The following SNX29 variants were observed in gnomAD, a reference collection of about 807,000 sequenced individuals.
The protein encoded by SNX29 is sorting nexin 29.
In SNX29, 78 loss-of-function variants were observed where a neutral mutation model predicts 102.1. The observed-to-expected ratio is 0.76, with a 90% confidence interval of 0.64 to 0.92. The LOEUF (loss-of-function observed/expected upper bound fraction) is 0.92. Among genes scored for constraint, SNX29 ranks in the 40% least tolerant of loss-of-function variants. The pLI, the probability that SNX29 is intolerant of heterozygous loss-of-function variation, is 0.00. For synonymous variants in SNX29, 580 were observed against 414.5 expected (o/e 1.40, Z -4.85); for missense variants, 1,280 against 1,061.7 (o/e 1.21, Z -2.86).
intron 20 of SNX29, among the ~76,000 whole-genome samples, chr16:12,546,072 G>A (rs753167675): frequency 6.6e-6 from 1 of 152,192 alleles, no homozygotes; most frequent in Admixed American, 6.5e-5. Context: ...TCCTGGGTTT[G>A]AGTCCCCAGT....
intron 4 of SNX29, among the ~76,000 whole-genome samples, chr16:12,033,789 T>C (rs1441864692): frequency 6.6e-6 from 1 of 152,048 alleles, no homozygotes; most frequent in Non-Finnish European, 1.5e-5. Context: ...ATATTTTTAG[T>C]AGAGACGGGG....
chr16:12,347,940 A>G (rs2081866541), intron 15 of SNX29, among the ~76,000 whole-genome samples: 1 of 150,164 alleles, frequency 6.7e-6, no homozygotes. Flanking sequence ...ATAGGTGAGC[A>G]TGGTGGCACA....
rs1234199101 is a variant in SNX29, at chr16:12,013,501, ATATAT to A, written c.122+10459_122+10463del. Among the ~76,000 whole-genome samples, 349 of 40,828 alleles carry A rather than the reference ATATAT, an allele frequency of 8.5e-3. 21 individuals are homozygous for A. The highest frequency in any genetic ancestry group is 0.023 in the African/African-American group (249 of 11,010). The allele number at this position is 40,828 out of a possible 152,430, so 26.8% of individuals were successfully genotyped here. On this transcript the variant is annotated intron_variant, in intron 3 of 20. Transcript: ENST00000566228. ...TCTCTACTGGGGGAAAAAAAAAAAAATATATATATATATATATATATATATATATA... is the reference window on the plus strand; with the variant it reads ...TCTCTACTGGGGGAAAAAAAAAAAAAATATATATATATATATATATATATA...
chr16:12,009,775 G>A (rs533244004), intron 3 of SNX29, among the ~76,000 whole-genome samples: 2 of 152,302 alleles, frequency 1.3e-5, no homozygotes, highest in South Asian at 4.1e-4. Context: ...AGACTGGCCT[G>A]TGAAGAAGCT....
intron 14 of SNX29, among the ~76,000 whole-genome samples, chr16:12,248,494 C>G (rs1217527603): frequency 6.6e-6 from 1 of 151,782 alleles, no homozygotes; most frequent in Non-Finnish European, 1.5e-5. Context: ...CTCCTGGGTT[C>G]AAGTGATTCT....
intron 19 of SNX29, among the ~76,000 whole-genome samples, chr16:12,522,759 G>C (rs545149672): frequency 6.6e-6 from 1 of 152,318 alleles, no homozygotes; most frequent in East Asian, 1.9e-4. Flanking sequence ...CCATGAGCCA[G>C]TTAAACCTCT....
At chr16:12,013,483 T>TGGGGG (rs199497475) in intron 3 of SNX29, among the ~76,000 whole-genome samples, 1 of 19,288 alleles carries the variant, frequency 5.2e-5, no homozygotes, top group African/African-American at 1.4e-4. Context: ...CTGTCTCTAC[T>TGGGGG]GGGGGAAAAA....
rs138518873 is a variant in SNX29 at position 12,297,042 on chromosome 16, T to C, written c.1782+19006T>C. On this transcript the variant is annotated intron_variant, in intron 15 of 20. Transcript: ENST00000566228. ...ACAAATGTCTCCAGACATGGCCACA[T>C]GTCTCTGGGATCAAAATCCCTGCTG... Among the ~76,000 whole-genome samples, 372 of 152,346 alleles carry C rather than the reference T, an allele frequency of 2.4e-3. 14 individuals are homozygous for C. In the East Asian group the frequency reaches 0.057, roughly 23 times the overall value.
At chr16:12,422,783 G>C (rs2084921648) in intron 18 of SNX29, among the ~76,000 whole-genome samples, 1 of 152,228 alleles carries the variant, frequency 6.6e-6, no homozygotes, top group African/African-American at 2.4e-5. Context: ...CAGCTCAGCT[G>C]CTTCCTTCAG....
intron 11 of SNX29, among the ~76,000 whole-genome samples, chr16:12,117,197 C>G (rs958598662): frequency 2.2e-5 from 3 of 138,928 alleles, no homozygotes; most frequent in Non-Finnish European, 3.0e-5. Flanking sequence ...TGCTTCAACG[C>G]GGATGAACCG....
intron 12 of SNX29, among the ~76,000 whole-genome samples, chr16:12,127,534 G>C (rs2054271565): frequency 6.6e-6 from 1 of 150,702 alleles, no homozygotes; most frequent in African/African-American, 2.4e-5. Context: ...TGATCCTCCA[G>C]CGTCAGCCTT....
intron 15 of SNX29, among the ~76,000 whole-genome samples, chr16:12,296,595 A>G (rs945894740): frequency 2.0e-5 from 3 of 152,240 alleles, no homozygotes; most frequent in African/African-American, 4.8e-5. Flanking sequence ...TTGTGTGTCA[A>G]TAAAACTTTA....
At chr16:12,267,412 T>C (rs1452344288) in intron 14 of SNX29, among the ~76,000 whole-genome samples, 1 of 152,184 alleles carries the variant, frequency 6.6e-6, no homozygotes, top group Non-Finnish European at 1.5e-5. Flanking sequence ...CCCTCCGTTT[T>C]CTCAGCTCTG....
rs541957458 is a variant in SNX29, at chr16:12,570,023, G to A, written c.*1394G>A. 13 of 336,556 alleles carry A rather than the reference G, an allele frequency of 3.9e-5. No individual in the cohort carries two copies. The highest frequency in any genetic ancestry group is 2.0e-3 in the Middle Eastern group (2 of 1,006). The allele number at this position is 336,556 out of a possible 1,614,324, so 20.8% of individuals were successfully genotyped here. A position where few individuals can be genotyped will look rare whatever the true frequency, so the allele number is the denominator to read the frequency against. Reference sequence around the variant, plus strand: ...GGCTTAAAATGAGAACTGCCCAGGTGAGCATGGAGCATCTCCTAGGCTCGA... The same window carrying A: ...GGCTTAAAATGAGAACTGCCCAGGTAAGCATGGAGCATCTCCTAGGCTCGA... On this transcript the variant is annotated 3_prime_UTR_variant, in exon 21 of 21. Coordinates refer to ENST00000566228, the MANE Select transcript of SNX29 (RefSeq NM_032167.5).
At chr16:12,085,245 T>C (rs1159506866) in intron 11 of SNX29, among the ~76,000 whole-genome samples, 4 of 152,202 alleles carry the variant, frequency 2.6e-5, no homozygotes, top group Non-Finnish European at 5.9e-5. Context: ...ACTTCTGGAA[T>C]GCTATGGGCT....
chr16:12,159,860 G>A (rs777903520), intron 13 of SNX29, among the ~76,000 whole-genome samples: 1 of 152,212 alleles, frequency 6.6e-6, no homozygotes, highest in African/African-American at 2.4e-5. Flanking sequence ...CTTATCCCGT[G>A]CTTTTGCAGA....
At chr16:12,196,214 C>T (rs1160834493) in intron 13 of SNX29, among the ~76,000 whole-genome samples, 4 of 151,974 alleles carry the variant, frequency 2.6e-5, no homozygotes, top group South Asian at 2.1e-4. Flanking sequence ...AAGTAATTGG[C>T]CTGTCTCAGC....
At chr16:12,553,276 A>C (rs1055718141) in intron 20 of SNX29, among the ~76,000 whole-genome samples, 1 of 152,234 alleles carries the variant, frequency 6.6e-6, no homozygotes, top group Admixed American at 6.5e-5. Flanking sequence ...GCCTAGGGGC[A>C]CAGAGTAAGA....
intron 18 of SNX29, among the ~76,000 whole-genome samples, chr16:12,466,525 T>G (rs1204943783): frequency 1.3e-5 from 2 of 152,186 alleles, no homozygotes; most frequent in African/African-American, 4.8e-5. Flanking sequence ...TGCCGTCAGA[T>G]GTGGCACCCC....
Sources: gnomAD v4.1 joint callset for allele counts (sites outside exome capture counted in the v4.1 genomes callset) on GRCh38, gnomAD v4.1.1 for gene constraint, MANE v1.5 for transcripts, NCBI Gene and HGNC (gene_info 2026-07-23, HGNC 2026-07-21) for gene names.